Variants in CAMK1D observed in about 807,000 individuals in gnomAD.
CAMK1D encodes calcium/calmodulin dependent protein kinase ID, also known as calcium/calmodulin-dependent protein kinase type 1D.
Under a neutral mutation model 47.7 loss-of-function variants are expected in CAMK1D, and 9 were observed. The ratio of observed to expected loss-of-function variants is 0.19; its 90% CI spans 0.11 to 0.33. The LOEUF (loss-of-function observed/expected upper bound fraction) is 0.33, where lower values mean the gene tolerates loss of function less well. Among genes scored for constraint, CAMK1D ranks in the 10% least tolerant of loss-of-function variants. The probability of loss-of-function intolerance (pLI) is 1.00; values close to 1 mark genes in which losing one functional copy is unlikely to be tolerated. For missense variants in CAMK1D, 291 were observed against 488.7 expected, an observed-to-expected ratio of 0.60 and a Z score of 3.81; for synonymous variants, 184 against 184.9, an observed-to-expected ratio of 0.99 and a Z score of 0.04.
At chr10:12,662,014 G>A (rs1031732779) in intron 2 of CAMK1D, among the ~76,000 whole-genome samples, 2 of 152,158 alleles carry the variant, frequency 1.3e-5, no homozygotes, top group African/African-American at 4.8e-5. Context: ...TAAAACACAG[G>A]CTAGATGATA....
chr10:12,504,359 A>G (rs1834805901), intron 1 of CAMK1D, among the ~76,000 whole-genome samples: 1 of 152,058 alleles, frequency 6.6e-6, no homozygotes, highest in South Asian at 2.1e-4. Flanking sequence ...GTCATGGTGT[A>G]AGTCCCAGAG....
chr10:12,402,811 C>T (rs983387002), intron 1 of CAMK1D, among the ~76,000 whole-genome samples: 1 of 151,842 alleles, frequency 6.6e-6, no homozygotes, highest in African/African-American at 2.4e-5. Flanking sequence ...GCTAACAGGT[C>T]TCCTGCTTGG....
rs143756594 is a variant in CAMK1D, at chr10:12,645,770, G to A, written c.225-20966G>A. On this transcript the variant is annotated intron_variant, in intron 2 of 10. Coordinates refer to ENST00000619168, the MANE Select transcript of CAMK1D (RefSeq NM_153498.4). ...AAAGAGAGTTGGACGGCTGATGGGC[G>A]CCGCCATCATGTCTGCCACGCCATC... Among the ~76,000 whole-genome samples, 18 of 152,292 alleles carry A rather than the reference G, an allele frequency of 1.2e-4. No homozygotes were observed. In the East Asian group the frequency reaches 3.1e-3, roughly 26 times the overall value.
chr10:12,523,213 C>T (rs892789197), intron 1 of CAMK1D, among the ~76,000 whole-genome samples: 3 of 151,098 alleles, frequency 2.0e-5, no homozygotes, highest in Non-Finnish European at 4.4e-5. Flanking sequence ...GTGCTCCCCA[C>T]ATTTCAGATG....
intron 3 of CAMK1D, among the ~76,000 whole-genome samples, chr10:12,717,385 C>G (rs1364875991): frequency 6.6e-6 from 1 of 152,152 alleles, no homozygotes; most frequent in African/African-American, 2.4e-5. Flanking sequence ...AATATATTCA[C>G]TGCCAGGCAG....
intron 1 of CAMK1D, among the ~76,000 whole-genome samples, chr10:12,451,974 G>T: frequency 1.3e-5 from 2 of 152,278 alleles, no homozygotes; most frequent in Middle Eastern, 3.4e-3. Context: ...GCTGGGGGCC[G>T]CCTCCTTTTC....
intron 1 of CAMK1D, among the ~76,000 whole-genome samples, chr10:12,449,020 C>T (rs1388015784): frequency 1.3e-5 from 2 of 152,152 alleles, no homozygotes; most frequent in Non-Finnish European, 2.9e-5. Context: ...TGGTACACAG[C>T]AAGCGGTTTG....
intron 3 of CAMK1D, among the ~76,000 whole-genome samples, chr10:12,706,157 C>T (rs904345522): frequency 2.0e-5 from 3 of 152,004 alleles, no homozygotes; most frequent in South Asian, 2.1e-4. Flanking sequence ...GTGTAGACAA[C>T]GTTTGGATGG....
intron 1 of CAMK1D, among the ~76,000 whole-genome samples, chr10:12,504,330 G>C (rs926203857): frequency 6.6e-6 from 1 of 152,130 alleles, no homozygotes; most frequent in Non-Finnish European, 1.5e-5. Context: ...GAACTGGGGG[G>C]ATTTGGAGGG....
intron 6 of CAMK1D, among the ~76,000 whole-genome samples, chr10:12,795,979 A>G (rs150787083): frequency 3.9e-5 from 6 of 152,320 alleles, no homozygotes; most frequent in African/African-American, 1.4e-4. Context: ...CAGCCAAGAT[A>G]GCATAAGGTC....
intron 1 of CAMK1D, among the ~76,000 whole-genome samples, chr10:12,466,791 A>G (rs1378544788): frequency 6.6e-6 from 1 of 152,012 alleles, no homozygotes; most frequent in Non-Finnish European, 1.5e-5. Flanking sequence ...AACGTTTTTT[A>G]TGGGAAGGTC....
rs374664435 is a variant in CAMK1D, at chr10:12,828,871, A to G, written c.1142A>G (p.His381Arg). Residue 381 changes from histidine (H) to arginine (R), a missense_variant, in exon 11 of 11, where the codon CAC becomes CGC. By Grantham distance (29) the His-to-Arg change is conservative. Transcript: ENST00000619168. ...AGGCCCACCACTGTGACGGCAGTGC[A>G]CTCTGGAAGCAAGTGACTGGCCCTG... Reference protein sequence around the residue: ...RPRPTTVTAVHSGSK With the variant: ...RPRPTTVTAVRSGSK The G allele has an allele frequency of 1.2e-6, 2 of 1,611,588 alleles. No homozygotes were observed. The highest frequency in any genetic ancestry group is 1.3e-5 in the African/African-American group (1 of 74,730).
In CAMK1D at chr10:12,588,060, C is replaced by T. The variant is rs764716515; in HGVS notation, c.224+34704C>T. Among the ~76,000 whole-genome samples, 2 of 151,642 alleles carry T rather than the reference C, an allele frequency of 1.3e-5. 1 individual carries two copies. Among genetic ancestry groups the T allele is most frequent in the East Asian group, 3.9e-4 (2 of 5,178 alleles). The stretch of plus-strand genomic sequence containing the variant: ...GTTGTGTTGAAATGAGTTGGTAGAT[C>T]GTAGATAATATAAAGTAAGTGAATA... On this transcript the variant is annotated intron_variant, in intron 2 of 10. Transcript: ENST00000619168.
chr10:12,594,524 A>G (rs1299975776), intron 2 of CAMK1D, among the ~76,000 whole-genome samples: 1 of 152,208 alleles, frequency 6.6e-6, no homozygotes, highest in African/African-American at 2.4e-5. Flanking sequence ...CAAGAGTCAG[A>G]CAGAATGTGG....
intron 1 of CAMK1D, among the ~76,000 whole-genome samples, chr10:12,524,929 T>TA (rs1320992648): frequency 1.3e-5 from 2 of 152,236 alleles, no homozygotes; most frequent in Non-Finnish European, 2.9e-5. Flanking sequence ...GATAAAGTAT[T>TA]TTTTTCTGTC....
chr10:12,809,380 CAT>C (rs1832508470), intron 6 of CAMK1D, among the ~76,000 whole-genome samples: 1 of 152,076 alleles, frequency 6.6e-6, no homozygotes, highest in South Asian at 2.1e-4. Context: ...ATAGAGCTAC[CAT>C]ATATAATCTA....
At chr10:12,824,200 A>T (rs1056464778) in intron 8 of CAMK1D, among the ~76,000 whole-genome samples, 1 of 152,048 alleles carries the variant, frequency 6.6e-6, no homozygotes. Flanking sequence ...AGAGCCGGGG[A>T]GTAGTCAACC....
chr10:12,800,932 G>T lies in CAMK1D; in HGVS notation c.641+9699G>T, dbSNP rs190242099. On this transcript the variant is annotated intron_variant, in intron 6 of 10. Transcript: ENST00000619168. ...TATGTCAGGGTGTATGGTTGTTAGTGGGTGGTTCTGAGTTGTTGCCCAAAA... is the reference window on the plus strand; with the variant it reads ...TATGTCAGGGTGTATGGTTGTTAGTTGGTGGTTCTGAGTTGTTGCCCAAAA... 2.2e-3 allele frequency among the ~76,000 whole-genome samples: 328 copies of T among 152,246 alleles called. 3 individuals carry two copies. Among genetic ancestry groups the T allele is most frequent in the African/African-American group, 7.5e-3 (313 of 41,546 alleles).
intron 3 of CAMK1D, among the ~76,000 whole-genome samples, chr10:12,695,661 G>C (rs1022488980): frequency 1.3e-5 from 2 of 152,126 alleles, no homozygotes; most frequent in Non-Finnish European, 2.9e-5. Flanking sequence ...CCTTTGGGCT[G>C]TCTCCTTTTT....
Sources: gnomAD v4.1 joint callset for allele counts (sites outside exome capture counted in the v4.1 genomes callset) on GRCh38, gnomAD v4.1.1 for gene constraint, MANE v1.5 for transcripts, NCBI Gene and HGNC (gene_info 2026-07-23, HGNC 2026-07-21) for gene names.